SCOC: variants seen among roughly 807,000 people sequenced by gnomAD.
SCOC encodes short coiled coil protein.
SCOC carries 7 observed loss-of-function variants against 9.9 expected under a neutral mutation model. The observed-to-expected ratio is 0.71, with a 90% CI of 0.40 to 1.33. The LOEUF (loss-of-function observed/expected upper bound fraction) is 1.33. Among genes scored for constraint, SCOC ranks in the 40% most tolerant of loss-of-function variants. The probability of loss-of-function intolerance (pLI) is 0.01; values close to 1 mark genes in which losing one functional copy is unlikely to be tolerated. For synonymous variants in SCOC, 19 were observed against 28.2 expected (o/e 0.67, Z 1.03); for missense variants, 66 against 89.7 (o/e 0.74, Z 1.07).
chr4:140,295,220 T>C (rs6823205), intron 1 of SCOC, among the ~76,000 whole-genome samples: 45,253 of 152,158 alleles, frequency 0.3, 11,136 homozygotes, highest in African/African-American at 0.67. Flanking sequence ...GATCCCTCCC[T>C]TTCAGGTTTA....
chr4:140,325,321 C>A (rs1484609013), intron 1 of SCOC, among the ~76,000 whole-genome samples: 3 of 151,942 alleles, frequency 2.0e-5, no homozygotes, highest in Non-Finnish European at 2.9e-5. Context: ...TTGACTTTAT[C>A]AAAATTTAAA....
chr4:140,361,881 C>T (rs560162576), intron 2 of SCOC, among the ~76,000 whole-genome samples: 1 of 152,082 alleles, frequency 6.6e-6, no homozygotes, highest in South Asian at 2.1e-4. Context: ...TCATGTAGTA[C>T]AAAAAGAAAA....
chr4:140,258,374 T>A (rs567797911), intron 1 of SCOC, among the ~76,000 whole-genome samples: 1 of 152,374 alleles, frequency 6.6e-6, no homozygotes, highest in African/African-American at 2.4e-5. Context: ...TGAGGCCAGC[T>A]TCTGTTTCCA....
chr4:140,273,245 A>C (rs1730890458), intron 1 of SCOC, among the ~76,000 whole-genome samples: 3 of 152,242 alleles, frequency 2.0e-5, no homozygotes, highest in Non-Finnish European at 4.4e-5. Flanking sequence ...CAAGTTAAAC[A>C]AACATCTGGA....
intron 1 of SCOC, among the ~76,000 whole-genome samples, chr4:140,322,270 G>A (rs1270340217): frequency 2.0e-5 from 3 of 152,170 alleles, no homozygotes; most frequent in African/African-American, 7.2e-5. Context: ...CAGTTTTGGA[G>A]TGAATGCTGG....
chr4:140,293,722 G>C (rs1578779638), intron 1 of SCOC, among the ~76,000 whole-genome samples: 1 of 152,194 alleles, frequency 6.6e-6, no homozygotes, highest in African/African-American at 2.4e-5. Context: ...AGGTGCAGCA[G>C]CTGAGGGCTG....
intron 1 of SCOC, among the ~76,000 whole-genome samples, chr4:140,260,485 T>C (rs1560671916): frequency 6.6e-6 from 1 of 152,186 alleles, no homozygotes; most frequent in South Asian, 2.1e-4. Context: ...TGGCTCTGAG[T>C]CATCAGAGAC....
At chr4:140,366,423 C>T in intron 2 of SCOC, 1 of 1,384,712 alleles carries the variant, frequency 7.2e-7, no homozygotes, top group Non-Finnish European at 1.0e-6. Context: ...GCAGCAGTAG[C>T]ACGCTTCGCA....
At chr4:140,280,418 T>G (rs983307654) in intron 1 of SCOC, among the ~76,000 whole-genome samples, 1 of 152,182 alleles carries the variant, frequency 6.6e-6, no homozygotes, top group Non-Finnish European at 1.5e-5. Context: ...TGGGAGCCAC[T>G]GCGCCTGGCC....
chr4:140,281,478 C>G (rs1486616432), intron 1 of SCOC, among the ~76,000 whole-genome samples: 1 of 152,190 alleles, frequency 6.6e-6, no homozygotes, highest in Admixed American at 6.5e-5. Flanking sequence ...ATATGGGAAA[C>G]ATTTCCAGTC....
At position 140,374,721 on chromosome 4, in the gene SCOC, A is replaced by T. The variant is rs76807619; in HGVS notation, c.-51+1004A>T. 4.6e-4 allele frequency among the ~76,000 whole-genome samples: 70 copies of T among 152,320 alleles called. No homozygotes were observed. The Middle Eastern group carries it at 0.01, about 22-fold the overall frequency. On this transcript the variant is annotated intron_variant, in intron 1 of 3. Coordinates refer to ENST00000608372, the MANE Select transcript of SCOC (RefSeq NM_001153484.2). ...CAAAATGTTTGGCAAACTTAAGATT[A>T]GGGCCATATTAAAGTTTTTTCCATT...
At chr4:140,290,681 C>T (rs564787135) in intron 1 of SCOC, among the ~76,000 whole-genome samples, 4 of 152,246 alleles carry the variant, frequency 2.6e-5, no homozygotes, top group South Asian at 2.1e-4. Flanking sequence ...GGCATGGTGG[C>T]GTGTGCCTGT....
At chr4:140,272,116 G>T (rs898649675) in intron 1 of SCOC, among the ~76,000 whole-genome samples, 3 of 150,742 alleles carry the variant, frequency 2.0e-5, no homozygotes, top group Admixed American at 6.6e-5. Flanking sequence ...AAGTACAGTG[G>T]TGTGATCATG....
chr4:140,263,998 G>A (rs919526114), intron 1 of SCOC, among the ~76,000 whole-genome samples: 2 of 152,100 alleles, frequency 1.3e-5, no homozygotes, highest in Non-Finnish European at 2.9e-5. Context: ...CAAGGGAGTG[G>A]TAATTGTTTT....
At chr4:140,288,316 A>G (rs144817154) in intron 1 of SCOC, among the ~76,000 whole-genome samples, 7 of 152,172 alleles carry the variant, frequency 4.6e-5, no homozygotes, top group African/African-American at 1.7e-4. Context: ...GATCACACAT[A>G]TACACCTACA....
chr4:140,287,621 T>G (rs1474294036), intron 1 of SCOC, among the ~76,000 whole-genome samples: 2 of 150,890 alleles, frequency 1.3e-5, no homozygotes, highest in Non-Finnish European at 3.0e-5. Flanking sequence ...ACTACACACA[T>G]GCATATGCAC....
intron 2 of SCOC, among the ~76,000 whole-genome samples, chr4:140,368,221 G>A (rs1266094769): frequency 1.3e-5 from 2 of 152,192 alleles, no homozygotes; most frequent in Non-Finnish European, 2.9e-5. Flanking sequence ...TTGTCACGTT[G>A]TTGGTAGATC....
intron 1 of SCOC, among the ~76,000 whole-genome samples, chr4:140,334,565 T>C (rs910160634): frequency 2.6e-5 from 4 of 152,202 alleles, no homozygotes; most frequent in African/African-American, 9.6e-5. Context: ...AACTGTTTTT[T>C]TTCCTAATTT....
chr4:140,342,751 A>G (rs1578830272), upstream of SCOC, among the ~76,000 whole-genome samples: 1 of 152,338 alleles, frequency 6.6e-6, no homozygotes, highest in Admixed American at 6.5e-5. Context: ...GTGTCTGTAT[A>G]CAAATGTGAA....
Sources: allele counts gnomAD v4.1 joint callset (sites outside exome capture counted in the v4.1 genomes callset), GRCh38; gene constraint gnomAD v4.1.1; transcripts MANE v1.5; gene names NCBI Gene and HGNC (gene_info 2026-07-23, HGNC 2026-07-21).